PTPRT: variants seen among roughly 807,000 people sequenced by gnomAD.
The protein encoded by PTPRT is protein tyrosine phosphatase receptor type T.
In PTPRT, 56 loss-of-function variants were observed where a neutral mutation model predicts 176.8. The ratio of observed to expected loss-of-function variants is 0.32; its 90% confidence interval spans 0.26 to 0.40. The LOEUF (loss-of-function observed/expected upper bound fraction) is 0.40. Among genes scored for constraint, PTPRT ranks in the 10% least tolerant of loss-of-function variants. The pLI is 1.00. For synonymous variants in PTPRT, 783 were observed against 739.0 expected, an observed-to-expected ratio of 1.06 and a Z score of -0.96; for missense variants, 1,540 against 1,908.2, an observed-to-expected ratio of 0.81 and a Z score of 3.60.
chr20:42,591,421 G>A (rs1439584424), intron 7 of PTPRT, among the ~76,000 whole-genome samples: 1 of 152,174 alleles, frequency 6.6e-6, no homozygotes, highest in Non-Finnish European at 1.5e-5. Context: ...AAACAGAGTA[G>A]ATGTTTAATA....
chr20:42,223,496 A>T (rs551334234), intron 15 of PTPRT, among the ~76,000 whole-genome samples: 3 of 152,320 alleles, frequency 2.0e-5, no homozygotes, highest in Admixed American at 2.0e-4. Context: ...AGGCAAAAGC[A>T]CTGTTTAACG....
intron 1 of PTPRT, among the ~76,000 whole-genome samples, chr20:43,143,740 TAGACAC>T (rs1388989917): frequency 6.6e-6 from 1 of 152,082 alleles, no homozygotes; most frequent in East Asian, 1.9e-4. Flanking sequence ...GGGAAGCAAG[TAGACAC>T]AGAAAGAGGC....
intron 12 of PTPRT, 62 bp downstream of exon 12, chr20:42,315,661 A>G: frequency 6.4e-7 from 1 of 1,558,030 alleles, no homozygotes; most frequent in Non-Finnish European, 8.8e-7. Flanking sequence ...CTGCTGACTT[A>G]TCATTTGAGA....
chr20:42,405,383 C>T (rs2058951331), intron 9 of PTPRT, among the ~76,000 whole-genome samples: 1 of 152,070 alleles, frequency 6.6e-6, no homozygotes, highest in Non-Finnish European at 1.5e-5. Flanking sequence ...TGATGTTCCC[C>T]TTCCTGGGTC....
At chr20:42,808,810 C>T (rs571644684) in intron 2 of PTPRT, among the ~76,000 whole-genome samples, 1 of 152,230 alleles carries the variant, frequency 6.6e-6, no homozygotes, top group Admixed American at 6.5e-5. Context: ...CAGGAAAAGT[C>T]GAGTCTGTAG....
At chr20:42,715,981 AC>A (rs2076217090) in intron 6 of PTPRT, among the ~76,000 whole-genome samples, 1 of 152,204 alleles carries the variant, frequency 6.6e-6, no homozygotes, top group South Asian at 2.1e-4. Context: ...TTTGCTGTGA[AC>A]CTAACACTGC....
At chr20:42,553,687 G>T (rs1424595472) in intron 7 of PTPRT, among the ~76,000 whole-genome samples, 1 of 151,620 alleles carries the variant, frequency 6.6e-6, no homozygotes, top group Non-Finnish European at 1.5e-5. Flanking sequence ...TTTTATTTTT[G>T]TTCTCACTCA....
chr20:43,069,890 A>T (rs1321270062), intron 1 of PTPRT, among the ~76,000 whole-genome samples: 1 of 152,164 alleles, frequency 6.6e-6, no homozygotes, highest in African/African-American at 2.4e-5. Context: ...TTGGAAAAGC[A>T]TCCTATTTTG....
intron 7 of PTPRT, among the ~76,000 whole-genome samples, chr20:42,676,492 G>A (rs2075505158): frequency 6.6e-6 from 1 of 151,764 alleles, no homozygotes; most frequent in South Asian, 2.1e-4. Flanking sequence ...CTGCTCCCCT[G>A]AGCCACACCC....
At chr20:42,357,861 C>A (rs1396157424) in intron 9 of PTPRT, among the ~76,000 whole-genome samples, 2 of 152,156 alleles carry the variant, frequency 1.3e-5, no homozygotes, top group African/African-American at 2.4e-5. Flanking sequence ...CTGCAGTGAG[C>A]CACAATCGCG....
rs764237414 is a variant in PTPRT at position 42,791,420 on chromosome 20, C to A, written c.261G>T (p.Lys87Asn). The A allele has an allele frequency of 1.9e-6, 3 of 1,613,794 alleles. No homozygotes were observed. Among genetic ancestry groups the A allele is most frequent in the Non-Finnish European group, 2.5e-6 (3 of 1,179,824 alleles). The change falls in exon 3 of 31, where the codon AAG becomes AAT. Residue 87 changes from lysine (K) to asparagine (N), a missense_variant. Physicochemically the swap from Lys to Asn is moderately conservative, Grantham distance 94 (BLOSUM62 0). Around this residue, in one of 11 missense-constraint regions of PTPRT, gnomAD observed 116 missense variants for 118.5 expected, o/e 0.98. Coordinates refer to ENST00000373187, the MANE Select transcript of PTPRT (RefSeq NM_007050.6). Reference protein sequence around the residue: ...VNSSGRASGQKAHLLLPTLKE... With the variant: ...VNSSGRASGQNAHLLLPTLKE... ...TCAGGGTTGGCAGGAGAAGGTGGGC[C>A]TTCTGGCCAGAGGCTCTCCCAGAGC... is the stretch of plus-strand genomic sequence containing the variant.
In PTPRT at chr20:42,433,392, C is replaced by T. The variant is rs190092708; in HGVS notation, c.1560+14828G>A. 2.9e-4 allele frequency among the ~76,000 whole-genome samples: 44 copies of T among 152,322 alleles called. 1 individual carries two copies. The highest frequency in any genetic ancestry group is 2.9e-3 in the Admixed American group (44 of 15,306). Reference sequence around the variant, plus strand: ...GAGCTTCACCTATCCCCCTATCAACCTTCTGAGAAGAGGCCAGAGACAGCA... The same window carrying T: ...GAGCTTCACCTATCCCCCTATCAACTTTCTGAGAAGAGGCCAGAGACAGCA... On this transcript the variant is annotated intron_variant, in intron 9 of 30. Coordinates refer to ENST00000373187, the MANE Select transcript of PTPRT (RefSeq NM_007050.6).
intron 2 of PTPRT, among the ~76,000 whole-genome samples, chr20:42,810,005 AG>A (rs1188811069): frequency 6.6e-6 from 1 of 152,146 alleles, no homozygotes; most frequent in African/African-American, 2.4e-5. Context: ...AATAAAATAG[AG>A]TAGGGGCCGG....
intron 1 of PTPRT, among the ~76,000 whole-genome samples, chr20:42,930,067 T>C (rs552836468): frequency 5.3e-5 from 8 of 152,192 alleles, no homozygotes; most frequent in Non-Finnish European, 1.2e-4. Context: ...AGCAGTCATC[T>C]GGGAAAAGTT....
At position 43,189,902 on chromosome 20, in the gene PTPRT, G is replaced by T. The variant is rs1184829077; in HGVS notation, c.-169C>A. 1.4e-5 allele frequency: 2 copies of T among 142,624 alleles called. No homozygotes were observed. The highest frequency in any genetic ancestry group is 2.2e-4 in the South Asian group (1 of 4,458). 8.8% of individuals were successfully genotyped at this position (142,624 alleles called of 1,614,324 possible). ...TGCGTTCCAAGCCGAGGCGCGGCGC[G>T]AACTGAGGCGGGAGGCTGGGCGGGG... On this transcript the variant is annotated 5_prime_UTR_variant, in exon 1 of 31. Transcript: ENST00000373187. The surrounding 1 kb of genome is among the most constrained non-coding windows in gnomAD (Gnocchi z 5.0).
At chr20:42,372,748 G>A (rs773222380) in intron 9 of PTPRT, among the ~76,000 whole-genome samples, 3 of 152,080 alleles carry the variant, frequency 2.0e-5, no homozygotes, top group East Asian at 1.9e-4. Flanking sequence ...AAGGATTAGC[G>A]CCCTTATAAA....
At chr20:42,720,845 G>C (rs1875198607) in intron 6 of PTPRT, among the ~76,000 whole-genome samples, 1 of 152,154 alleles carries the variant, frequency 6.6e-6, no homozygotes, top group Non-Finnish European at 1.5e-5. Context: ...GAATATAACT[G>C]TCTCTCACTA....
At chr20:42,754,842 T>G (rs181961747) in intron 6 of PTPRT, among the ~76,000 whole-genome samples, 4 of 152,278 alleles carry the variant, frequency 2.6e-5, no homozygotes, top group African/African-American at 9.6e-5. Context: ...TTGAGCCTTG[T>G]GAAATGACTG....
chr20:43,184,674 G>T (rs1377575917), intron 1 of PTPRT, among the ~76,000 whole-genome samples: 1 of 151,752 alleles, frequency 6.6e-6, no homozygotes, highest in Admixed American at 6.6e-5. Flanking sequence ...CGACAGAGCA[G>T]TGAGACTCTG....
Sources: gnomAD v4.1 joint callset for allele counts (sites outside exome capture counted in the v4.1 genomes callset) on GRCh38, gnomAD v4.1.1 for gene constraint, gnomAD v4.1.1 regional missense constraint, Gnocchi (gnomAD v3.1) non-coding constraint, MANE v1.5 for transcripts, NCBI Gene and HGNC (gene_info 2026-07-23, HGNC 2026-07-21) for gene names.